The following DMD variants were observed in gnomAD, a reference collection of about 807,000 sequenced individuals.
DMD encodes dystrophin.
Under a neutral mutation model 330.1 loss-of-function variants are expected in DMD, and 63 were observed. The observed-to-expected ratio is 0.19, with a 90% CI of 0.16 to 0.24. The LOEUF is 0.24. DMD is among the 10% of genes least tolerant of loss of function. DMD has a pLI of 1.00. For missense variants in DMD, 3,344 were observed against 2,684.1 expected (o/e 1.25, Z -5.43); for synonymous variants, 1,223 against 959.8 (o/e 1.27, Z -5.07).
At chrX:31,920,444 G>A (rs1010378969) in intron 47 of DMD, among the ~76,000 whole-genome samples, 1 of 111,798 alleles carries the variant, frequency 8.9e-6, no homozygotes, top group Non-Finnish European at 1.9e-5. Flanking sequence ...ATCATTTCAC[G>A]ATTATTAAAT....
intron 42 of DMD, among the ~76,000 whole-genome samples, chrX:32,306,358 C>A (rs2097540159): frequency 9.0e-6 from 1 of 111,140 alleles, no homozygotes; most frequent in Non-Finnish European, 1.9e-5. Context: ...CCTGGCTTCA[C>A]ACTATCTTTG....
intron 41 of DMD, among the ~76,000 whole-genome samples, chrX:32,312,942 C>CAAAAAAAAAA (rs767993498): frequency 0.011 from 223 of 20,398 alleles, 45 homozygotes; most frequent in Non-Finnish European, 0.017. Flanking sequence ...GCCTACGAAC[C>CAAAAAAAAAA]AAAAAAAAAA....
At chrX:31,968,156 A>G (rs746363526) in intron 45 of DMD, among the ~76,000 whole-genome samples, 183 bp downstream of exon 45, 3 of 111,705 alleles carry the variant, frequency 2.7e-5, no homozygotes, top group African/African-American at 6.5e-5. Context: ...AGCCACAAGT[A>G]TATATTTTAG....
At chrX:31,522,094 C>A (rs1480124421) in intron 55 of DMD, among the ~76,000 whole-genome samples, 1 of 109,919 alleles carries the variant, frequency 9.1e-6, no homozygotes, top group Non-Finnish European at 1.9e-5. Flanking sequence ...AGCCTTGCCC[C>A]CCAAGATTTG....
At chrX:31,729,603 T>C (rs1161049283) in intron 52 of DMD, 28 bp downstream of exon 52, 14 of 1,108,965 alleles carry the variant, frequency 1.3e-5, no homozygotes, top group African/African-American at 1.8e-5. Flanking sequence ...TCTTGCTTTG[T>C]GTGTCCCATG....
intron 55 of DMD, among the ~76,000 whole-genome samples, chrX:31,613,824 G>A (rs1356079963): frequency 9.0e-6 from 1 of 111,436 alleles, no homozygotes; most frequent in Non-Finnish European, 1.9e-5. Flanking sequence ...CCTGTTTACT[G>A]TTCTGTAGAA....
chrX:32,155,769 T>G (rs779333091), intron 44 of DMD, among the ~76,000 whole-genome samples: 2 of 111,862 alleles, frequency 1.8e-5, no homozygotes, highest in South Asian at 7.6e-4. Context: ...CTCAATGGTC[T>G]GTTTCGAAAT....
rs761569710 is a variant in DMD at position 31,214,937 on chromosome X, C to CTTTTTTTTTTTTTTTTTTTTTT, written c.9362-5260_9362-5239dup. Among the ~76,000 whole-genome samples the CTTTTTTTTTTTTTTTTTTTTTT allele has an allele frequency of 1.0e-4, 4 of 38,099 alleles. 1 individual carries two copies. The highest frequency in any genetic ancestry group is 1.2e-4 in the African/African-American group (1 of 8,674). The allele number at this position is 38,099 out of a possible 115,157, so 33.1% of individuals were successfully genotyped here. On this transcript the variant is annotated intron_variant, in intron 64 of 78. Transcript: ENST00000357033. ...AAAGATACTTTTTTATTTCTTTTTT[C>CTTTTTTTTTTTTTTTTTTTTTT]TTTTTTTTTTTTTTTTTTTTTTGAG...
At chrX:32,456,578 T>TTGTGTG (rs60876331) in intron 25 of DMD, among the ~76,000 whole-genome samples, 257 of 89,503 alleles carry the variant, frequency 2.9e-3, no homozygotes, top group African/African-American at 9.8e-3. Flanking sequence ...CATACATACT[T>TTGTGTG]TGTGTGTGTG....
intron 34 of DMD, among the ~76,000 whole-genome samples, chrX:32,373,722 T>G (rs1195368771): frequency 6.3e-5 from 7 of 111,978 alleles, no homozygotes; most frequent in Middle Eastern, 9.2e-3. Context: ...TGCTCTCATT[T>G]ATCTGACTAG....
intron 52 of DMD, among the ~76,000 whole-genome samples, chrX:31,688,168 A>G (rs2082819863): frequency 9.0e-6 from 1 of 111,443 alleles, no homozygotes; most frequent in Admixed American, 9.5e-5. Flanking sequence ...AAAAAAATCA[A>G]TGAATCCAGG....
intron 2 of DMD, among the ~76,000 whole-genome samples, chrX:32,929,348 C>A (rs890662417): frequency 4.5e-5 from 5 of 110,572 alleles, no homozygotes; most frequent in African/African-American, 1.3e-4. Flanking sequence ...TACTAAGCTC[C>A]CTTCCGTTCT....
intron 15 of DMD, among the ~76,000 whole-genome samples, chrX:32,567,892 T>A (rs1327108944): frequency 9.0e-6 from 1 of 111,345 alleles, no homozygotes; most frequent in Non-Finnish European, 1.9e-5. Flanking sequence ...AGAGGCACAA[T>A]ATACACAAAG....
chrX:31,376,154 G>A (rs1485952056), intron 60 of DMD, among the ~76,000 whole-genome samples: 1 of 112,251 alleles, frequency 8.9e-6, no homozygotes, highest in Non-Finnish European at 1.9e-5. Flanking sequence ...CTGAGGAACT[G>A]CATGGAAGCA....
At chrX:31,368,525 T>A (rs930961218) in intron 60 of DMD, among the ~76,000 whole-genome samples, 2 of 111,895 alleles carry the variant, frequency 1.8e-5, no homozygotes, top group African/African-American at 6.5e-5. Context: ...GCTACCTATA[T>A]CCAGATTTGT....
chrX:31,482,493 T>C (rs2068383141), intron 57 of DMD, among the ~76,000 whole-genome samples: 2 of 108,558 alleles, frequency 1.8e-5, no homozygotes, highest in Admixed American at 9.9e-5. Context: ...AAATGAGGAG[T>C]GTAGAAATTT....
chrX:31,598,368 C>A (rs2077203383), intron 55 of DMD, among the ~76,000 whole-genome samples: 1 of 111,472 alleles, frequency 9.0e-6, no homozygotes, highest in Non-Finnish European at 1.9e-5. Context: ...AAGCGATTCT[C>A]CTGCCTTAGC....
chrX:32,873,748 A>G (rs1286736613), intron 2 of DMD, among the ~76,000 whole-genome samples: 1 of 112,189 alleles, frequency 8.9e-6, no homozygotes, highest in Non-Finnish European at 1.9e-5. Flanking sequence ...TTGCTTCTCC[A>G]AAGTCGAATA....
intron 43 of DMD, among the ~76,000 whole-genome samples, chrX:32,261,435 G>A (rs980786858): frequency 9.1e-4 from 102 of 111,713 alleles, no homozygotes; most frequent in Non-Finnish European, 4.3e-4. Flanking sequence ...CAATTAAAGT[G>A]CAGGGAGGTA....
Sources: gnomAD v4.1 joint callset for allele counts (sites outside exome capture counted in the v4.1 genomes callset) on GRCh38, gnomAD v4.1.1 for gene constraint, MANE v1.5 for transcripts, NCBI Gene and HGNC (gene_info 2026-07-23, HGNC 2026-07-21) for gene names.